The following TRIM34 variants were observed in gnomAD, a reference collection of about 807,000 sequenced individuals.
TRIM34 encodes E3 ubiquitin-protein ligase TRIM34.
TRIM34 carries 41 observed loss-of-function variants against 38.1 expected under a neutral mutation model. The observed-to-expected ratio is 1.08, with a 90% CI of 0.84 to 1.40. The LOEUF (loss-of-function observed/expected upper bound fraction) is 1.40, where lower values mean the gene tolerates loss of function less well. TRIM34 is among the 40% of genes most tolerant of loss of function. TRIM34 has a pLI of 0.00. For missense variants in TRIM34, 556 were observed against 571.4 expected, an observed-to-expected ratio of 0.97 and a Z score of 0.27; for synonymous variants, 200 against 202.5, an observed-to-expected ratio of 0.99 and a Z score of 0.10.
At chr11:5,630,238 G>T (rs2133919508) in intron 1 of TRIM34, among the ~76,000 whole-genome samples, 1 of 152,314 alleles carries the variant, frequency 6.6e-6, no homozygotes, top group East Asian at 1.9e-4. Flanking sequence ...CCAGGGGATG[G>T]TGATGGCGAT....
At chr11:5,622,477 C>G (rs1018269022), upstream of TRIM34, among the ~76,000 whole-genome samples, 1 of 107,392 alleles carries the variant, frequency 9.3e-6, no homozygotes, top group African/African-American at 3.4e-5. Context: ...GAAAAATTAG[C>G]TGGACGTGGT....
intron 1 of TRIM34, among the ~76,000 whole-genome samples, chr11:5,629,842 G>A (rs1485338095): frequency 6.6e-6 from 1 of 152,086 alleles, no homozygotes; most frequent in Non-Finnish European, 1.5e-5. Flanking sequence ...CGAGTAGCTG[G>A]GACTACAGGC....
intron 2 of TRIM34, 67 bp from the exon 3 acceptor site, chr11:5,633,736 CT>C (rs779223848): frequency 5.5e-6 from 8 of 1,465,760 alleles, no homozygotes; most frequent in Non-Finnish European, 7.3e-6. Context: ...GATTTTTTCC[CT>C]GTTTGTCCTC....
chr11:5,624,596 A>G (rs1408349144), upstream of TRIM34, among the ~76,000 whole-genome samples: 1 of 152,190 alleles, frequency 6.6e-6, no homozygotes, highest in East Asian at 1.9e-4. Flanking sequence ...AGGTTAAAAC[A>G]GGGCTTTTCA....
chr11:5,639,679 CAAAAAAAAAAAAA>C (rs58134807), intron 4 of TRIM34, among the ~76,000 whole-genome samples: 8 of 51,130 alleles, frequency 1.6e-4, no homozygotes, highest in East Asian at 7.0e-4. Flanking sequence ...GACTCTATTT[CAAAAAAAAAAAAA>C]AAAAAAAAAA....
chr11:5,625,329 C>T (rs1265974654), intron 1 of TRIM34, among the ~76,000 whole-genome samples: 2 of 152,148 alleles, frequency 1.3e-5, no homozygotes, highest in South Asian at 4.1e-4. Context: ...TATTTCCATT[C>T]CCTTCCTATT....
chr11:5,633,911 T>C lies in TRIM34; in HGVS notation c.519+12T>C. 6.2e-7 allele frequency: 1 copy of C among 1,613,166 alleles called. No homozygotes were observed. ...AAACTTCCTGGAAGGCAAGAGGAGA[T>C]TCTGAAGGTTTTCTGAGACAGGAAT... On this transcript the variant is annotated intron_variant, in intron 3 of 7. Coordinates refer to ENST00000429814, the MANE Select transcript of TRIM34 (RefSeq NM_021616.6).
chr11:5,638,183 A>G (rs1179693502), intron 4 of TRIM34, among the ~76,000 whole-genome samples: 1 of 152,242 alleles, frequency 6.6e-6, no homozygotes, highest in East Asian at 1.9e-4. Context: ...CATTGCAGTG[A>G]AGGGAAGTTC....
rs1491498839 is a variant in TRIM34, at chr11:5,634,530, C to CACACACACACACACACATAT, written c.520-100_520-99insCACACACACACACACATATA. The CACACACACACACACACATAT allele has an allele frequency of 4.9e-4, 129 of 262,002 alleles. 1 individual carries two copies. The highest frequency in any genetic ancestry group is 4.0e-3 in the African/African-American group (122 of 30,368). 16.2% of individuals were successfully genotyped at this position (262,002 alleles called of 1,614,324 possible). On this transcript the variant is annotated intron_variant, in intron 3 of 7. Transcript: ENST00000429814. ...ACACACACACACACACACACACACA[C>CACACACACACACACACATAT]ATATATATATATATATATTTCCCTA...
Position 5,632,889 on chromosome 11 carries a change from T to C in TRIM34, c.423+135T>C. ...TCGCCCAGGCTGGAGTGCAGTGGCG[T>C]GCTCTCGGCTCACTGCAACCTCTGC... On this transcript the variant is annotated intron_variant, in intron 2 of 7. Transcript: ENST00000429814. 4 of 1,217,576 alleles carry C rather than the reference T, an allele frequency of 3.3e-6. No individual in the cohort carries two copies. The South Asian group carries it at 8.2e-5, about 25-fold the overall frequency. The allele number at this position is 1,217,576 out of a possible 1,614,324, so 75.4% of individuals were successfully genotyped here.
rs142147714 is a variant in TRIM34, at chr11:5,633,146, C to CTT, written c.423+410_423+411dup. On this transcript the variant is annotated intron_variant, in intron 2 of 7. Transcript: ENST00000429814. ...AGCCACCATGCCCGGCCTTTTCTTT[C>CTT]TTTTTTTTTTTTTTTTTTTGTGAGC... Among the ~76,000 whole-genome samples, 242 of 106,784 alleles carry CTT rather than the reference C, an allele frequency of 2.3e-3. 1 individual carries two copies. Among genetic ancestry groups the CTT allele is most frequent in the African/African-American group, 7.5e-3 (215 of 28,790 alleles). The allele number at this position is 106,784 out of a possible 152,430, so 70.1% of individuals were successfully genotyped here.
At chr11:5,641,666 C>G (rs982759806) in intron 5 of TRIM34, among the ~76,000 whole-genome samples, 1 of 152,090 alleles carries the variant, frequency 6.6e-6, no homozygotes, top group African/African-American at 2.4e-5. Context: ...AAAGTAGACT[C>G]GAGCCTCAGG....
chr11:5,641,351 T>C, intron 5 of TRIM34, 162 bp downstream of exon 5: 1 of 1,471,548 alleles, frequency 6.8e-7, no homozygotes. Context: ...ATTTGAGTGT[T>C]CCGTAACTAT....
intron 1 of TRIM34, among the ~76,000 whole-genome samples, chr11:5,627,728 G>A (rs1010612549): frequency 2.0e-5 from 3 of 152,184 alleles, no homozygotes; most frequent in African/African-American, 7.2e-5. Flanking sequence ...ATGCTACAAT[G>A]TTTCTGAGCT....
rs1053858393 is a variant in TRIM34 at position 5,632,626 on chromosome 11, C to A, written c.295C>A (p.His99Asn). The A allele has an allele frequency of 6.2e-7, 1 of 1,613,110 alleles. No homozygotes were observed. Among genetic ancestry groups the A allele is most frequent in the Non-Finnish European group, 8.5e-7 (1 of 1,179,792 alleles). The change falls in exon 2 of 8, where the codon CAT becomes AAT. Residue 99 changes from histidine (H) to asparagine (N), a missense_variant. By Grantham distance (68) the His-to-Asn change is moderately conservative. Transcript: ENST00000429814. ...TGGGAAGAAGAGAGATCTCTGTGAT[C>A]ATCATGGAGAGAAACTCCTACTCTT... ...DNGKKRDLCD[H>N]HGEKLLLFCK...
Position 5,634,724 on chromosome 11 carries a change from T to C in TRIM34, c.613T>C (p.Leu205=), listed in dbSNP as rs775541182. 2 of 1,613,938 alleles carry C rather than the reference T, an allele frequency of 1.2e-6. No individual in the cohort carries two copies. The highest frequency in any genetic ancestry group is 1.1e-5 in the South Asian group (1 of 91,078). ...TGAGGAGCAGAGAGAGCTGCAAAGA[T>C]TGGAAGAAGAAGAAAAGAAGACGCT... ...NNEEQRELQR[L]EEEEKKTLDK... Residue 205 remains leucine (L), a synonymous_variant, in exon 4 of 8, where the codon TTG becomes CTG. Coordinates refer to ENST00000429814, the MANE Select transcript of TRIM34 (RefSeq NM_021616.6).
Position 5,634,668 on chromosome 11 carries a change from A to G in TRIM34, c.557A>G (p.Glu186Gly). The G allele has an allele frequency of 6.2e-7, 1 of 1,613,910 alleles. No homozygotes were observed. ...VQTERQRIQT[E>G]FDQLRSILNN... ...ACTGAGAGACAAAGGATACAAACAG[A>G]ATTTGATCAGCTTAGAAGCATCCTA... The change falls in exon 4 of 8, where the codon GAA (glutamate) becomes GGA (glycine). Residue 186 changes from glutamate to glycine, a missense_variant. Physicochemically the swap from Glu to Gly is moderately conservative, Grantham distance 98. Transcript: ENST00000429814.
chr11:5,634,692 T>C lies in TRIM34; in HGVS notation c.581T>C (p.Leu194Pro). ...GAATTTGATCAGCTTAGAAGCATCC[T>C]AAATAATGAGGAGCAGAGAGAGCTG... Reference protein sequence around the residue: ...QTEFDQLRSILNNEEQRELQR... With the variant: ...QTEFDQLRSIPNNEEQRELQR... The change falls in exon 4 of 8, where the codon CTA becomes CCA. Residue 194 changes from leucine to proline, a missense_variant. Coordinates refer to ENST00000429814, the MANE Select transcript of TRIM34 (RefSeq NM_021616.6). The C allele has an allele frequency of 6.2e-7, 1 of 1,614,056 alleles. No individual in the cohort carries two copies. Among genetic ancestry groups the C allele is most frequent in the Non-Finnish European group, 8.5e-7 (1 of 1,180,006 alleles).
chr11:5,642,270 T>C, intron 5 of TRIM34, 136 bp from the exon 6 acceptor site: 2 of 670,960 alleles, frequency 3.0e-6, no homozygotes, highest in Non-Finnish European at 4.9e-6. Context: ...GGTCCGGCTC[T>C]CCCTTCTCCC....
Sources: allele counts gnomAD v4.1 joint callset (sites outside exome capture counted in the v4.1 genomes callset), GRCh38; gene constraint gnomAD v4.1.1; transcripts MANE v1.5; gene names NCBI Gene and HGNC (gene_info 2026-07-23, HGNC 2026-07-21).